Variants in TEX9 observed in about 807,000 individuals in gnomAD.
The protein encoded by TEX9 is testis expressed 9, also known as testis-expressed protein 9.
TEX9 carries 74 observed loss-of-function variants against 59.6 expected under a neutral mutation model. The observed-to-expected ratio is 1.24, with a 90% CI of 1.03 to 1.51. The LOEUF is 1.51. Among genes scored for constraint, TEX9 ranks in the 40% most tolerant of loss-of-function variants. The pLI, the probability that TEX9 is intolerant of heterozygous loss-of-function variation, is 0.00. For missense variants in TEX9, 522 were observed against 447.8 expected (o/e 1.17, Z -1.49); for synonymous variants, 186 against 152.2 (o/e 1.22, Z -1.64).
At chr15:56,335,216 A>T (rs1308244952) in intron 1 of TEX9, among the ~76,000 whole-genome samples, 1 of 152,214 alleles carries the variant, frequency 6.6e-6, no homozygotes, top group Non-Finnish European at 1.5e-5. Context: ...TTATTGCAGC[A>T]CTGTTTACAA....
intron 3 of TEX9, among the ~76,000 whole-genome samples, chr15:56,379,598 A>G (rs2047629733): frequency 6.6e-6 from 1 of 152,042 alleles, no homozygotes; most frequent in African/African-American, 2.4e-5. Flanking sequence ...ATGTTTGTTG[A>G]GTTTCTTTCT....
At chr15:56,384,374 G>A (rs1160268996) in intron 4 of TEX9, among the ~76,000 whole-genome samples, 2 of 152,152 alleles carry the variant, frequency 1.3e-5, no homozygotes, top group East Asian at 3.8e-4. Flanking sequence ...GCTATGAACA[G>A]AAGTTTAGTT....
intron 10 of TEX9, among the ~76,000 whole-genome samples, chr15:56,415,047 G>C (rs546762178): frequency 6.6e-6 from 1 of 151,822 alleles, no homozygotes; most frequent in African/African-American, 2.4e-5. Context: ...CTTTTGAGAC[G>C]TGTCTGTTCT....
intron 12 of TEX9, among the ~76,000 whole-genome samples, chr15:56,430,655 C>T (rs1201103861): frequency 1.3e-5 from 2 of 152,152 alleles, no homozygotes; most frequent in African/African-American, 2.4e-5. Context: ...GTGCCTATTA[C>T]TGGTGTTACC....
intron 1 of TEX9, among the ~76,000 whole-genome samples, chr15:56,329,290 G>A (rs2046091867): frequency 6.6e-6 from 1 of 152,088 alleles, no homozygotes; most frequent in African/African-American, 2.4e-5. Flanking sequence ...CAAATACCTG[G>A]AAAGCCTTCC....
intron 1 of TEX9, among the ~76,000 whole-genome samples, chr15:56,297,568 G>A (rs1346844507): frequency 2.0e-5 from 3 of 152,102 alleles, no homozygotes; most frequent in African/African-American, 4.8e-5. Flanking sequence ...GCAGTGGTGC[G>A]ATCTTGGCTC....
At chr15:56,272,891 C>G (rs2044571102) in intron 1 of TEX9, among the ~76,000 whole-genome samples, 1 of 151,560 alleles carries the variant, frequency 6.6e-6, no homozygotes, top group African/African-American at 2.4e-5. Flanking sequence ...CTTTTTCTGT[C>G]TGCTCTTGAA....
intron 12 of TEX9, among the ~76,000 whole-genome samples, chr15:56,432,897 A>T (rs1377175982): frequency 2.0e-5 from 3 of 152,184 alleles, no homozygotes; most frequent in Non-Finnish European, 2.9e-5. Flanking sequence ...TCTTCCTCTA[A>T]ATTCTTCTCT....
chr15:56,443,423 A>C (rs1377361319), intron 12 of TEX9: 2 of 1,547,356 alleles, frequency 1.3e-6, no homozygotes, highest in African/African-American at 2.8e-5. Flanking sequence ...CCATTTCTGA[A>C]ACTTACTTTT....
chr15:56,376,939 A>C (rs767410980), intron 3 of TEX9, among the ~76,000 whole-genome samples: 2 of 152,220 alleles, frequency 1.3e-5, no homozygotes, highest in Non-Finnish European at 2.9e-5. Context: ...ATATGGCAAG[A>C]GGTAGGGGTC....
chr15:56,399,043 A>G (rs1158406863), intron 9 of TEX9, among the ~76,000 whole-genome samples: 2 of 152,240 alleles, frequency 1.3e-5, no homozygotes, highest in Admixed American at 1.3e-4. Flanking sequence ...AGTGTGATCA[A>G]CGCAGAAGAC....
At chr15:56,277,047 C>T (rs1380400251) in intron 1 of TEX9, among the ~76,000 whole-genome samples, 8 of 151,554 alleles carry the variant, frequency 5.3e-5, no homozygotes, top group Non-Finnish European at 1.2e-4. Context: ...TGTTTAAGAT[C>T]GTTGTAGATT....
At chr15:56,365,802 G>C (rs2046916853) in intron 2 of TEX9, 132 bp downstream of exon 2, 2 of 1,462,970 alleles carry the variant, frequency 1.4e-6, no homozygotes, top group African/African-American at 2.8e-5. Context: ...TCGTCATCTC[G>C]TTCACCTGCC....
chr15:56,427,809 C>T, intron 11 of TEX9, 70 bp downstream of exon 11: 2 of 1,233,660 alleles, frequency 1.6e-6, no homozygotes, highest in East Asian at 2.8e-5. Flanking sequence ...TAGCATTTTT[C>T]ACTTTAGGTA....
intron 1 of TEX9, among the ~76,000 whole-genome samples, chr15:56,351,651 A>T (rs531908592): frequency 2.2e-4 from 34 of 152,306 alleles, no homozygotes; most frequent in African/African-American, 8.2e-4. Flanking sequence ...GCTACAGGTC[A>T]TTACCCATAG....
chr15:56,400,544 A>G (rs1216982888), intron 9 of TEX9, among the ~76,000 whole-genome samples: 54 of 152,240 alleles, frequency 3.5e-4, no homozygotes, highest in Non-Finnish European at 1.5e-5. Context: ...GAATGGAACC[A>G]AGTTGGAAAA....
upstream of TEX9, among the ~76,000 whole-genome samples, chr15:56,361,866 A>T (rs2046795608): frequency 6.6e-6 from 1 of 152,164 alleles, no homozygotes; most frequent in African/African-American, 2.4e-5. Flanking sequence ...AGCTAGAAAG[A>T]GGCAAAGAAA....
Position 56,439,958 on chromosome 15 carries a change from A to C in TEX9, c.*30-5713A>C, listed in dbSNP as rs979415234. ...AAAATCGTGCTCTAAGATCATGTTAAAAGGATGAGAAGATAAAGCTACAGA... is the reference window on the plus strand; with the variant it reads ...AAAATCGTGCTCTAAGATCATGTTACAAGGATGAGAAGATAAAGCTACAGA... On this transcript the variant is annotated intron_variant, in intron 12 of 12. Coordinates refer to ENST00000352903, the Ensembl canonical transcript of TEX9. Among the ~76,000 whole-genome samples the C allele has an allele frequency of 3.9e-5, 6 of 152,158 alleles. No homozygotes were observed. In the East Asian group the frequency reaches 1.2e-3, roughly 29 times the overall value.
intron 1 of TEX9, among the ~76,000 whole-genome samples, chr15:56,278,011 G>A (rs1470693207): frequency 6.6e-6 from 1 of 151,450 alleles, no homozygotes; most frequent in Non-Finnish European, 1.5e-5. Flanking sequence ...TTTCCACGAA[G>A]CTTCTTTAGT....
Sources: allele counts gnomAD v4.1 joint callset (sites outside exome capture counted in the v4.1 genomes callset), GRCh38; gene constraint gnomAD v4.1.1; transcripts MANE v1.5; gene names NCBI Gene and HGNC (gene_info 2026-07-23, HGNC 2026-07-21).